ADCY2: variants seen among roughly 807,000 people sequenced by gnomAD.
ADCY2 encodes adenylate cyclase 2.
A neutral mutation model predicts 125.2 loss-of-function variants in ADCY2; 31 were observed. That is an observed-to-expected ratio of 0.25 (90% CI 0.19 to 0.33). ADCY2 has a LOEUF of 0.33. ADCY2 is among the 10% of genes least tolerant of loss of function. The pLI is 1.00. For synonymous variants in ADCY2, 512 were observed against 548.4 expected (o/e 0.93, Z 0.93); for missense variants, 904 against 1,418.2 (o/e 0.64, Z 5.82).
In ADCY2 at chr5:7,441,149, A is replaced by T. The variant is rs142136255; in HGVS notation, c.408+26379A>T. Among the ~76,000 whole-genome samples the T allele has an allele frequency of 3.1e-3, 479 of 152,196 alleles. 1 individual carries two copies. Among genetic ancestry groups the T allele is most frequent in the African/African-American group, 0.011 (456 of 41,528 alleles). On this transcript the variant is annotated intron_variant, in intron 2 of 24. Coordinates refer to ENST00000338316, the MANE Select transcript of ADCY2 (RefSeq NM_020546.3). ...GAAAAAAAAATCAAGTGACTGAGGG[A>T]CACAAACTTCTTGACTTCTGGGGAT...
At chr5:7,483,416 TAA>T (rs567638671) in intron 2 of ADCY2, among the ~76,000 whole-genome samples, 3 of 145,676 alleles carry the variant, frequency 2.1e-5, no homozygotes, top group African/African-American at 2.5e-5. Context: ...CTGCAGTACA[TAA>T]AAAAAAAAAA....
chr5:7,484,259 G>A (rs572152145), intron 2 of ADCY2, among the ~76,000 whole-genome samples: 2 of 152,218 alleles, frequency 1.3e-5, no homozygotes, highest in East Asian at 3.9e-4. Flanking sequence ...CAAATATACA[G>A]CATTCAGAAT....
chr5:7,405,587 A>G (rs1739452120), intron 1 of ADCY2, among the ~76,000 whole-genome samples: 2 of 152,298 alleles, frequency 1.3e-5, no homozygotes, highest in South Asian at 4.1e-4. Context: ...GCAAAGAGCA[A>G]GAGGAAAGGG....
At chr5:7,644,889 C>T (rs757910631) in intron 4 of ADCY2, among the ~76,000 whole-genome samples, 12 of 152,138 alleles carry the variant, frequency 7.9e-5, no homozygotes, top group Admixed American at 7.9e-4. Context: ...ATTAATCCTC[C>T]CAAGGCACAG....
intron 3 of ADCY2, among the ~76,000 whole-genome samples, chr5:7,572,003 G>A (rs1276387570): frequency 6.6e-6 from 1 of 152,272 alleles, no homozygotes; most frequent in Admixed American, 6.5e-5. Flanking sequence ...GTATTCCATG[G>A]TGTATATATA....
intron 3 of ADCY2, among the ~76,000 whole-genome samples, chr5:7,584,516 G>A (rs1736556473): frequency 6.6e-6 from 1 of 152,082 alleles, no homozygotes; most frequent in African/African-American, 2.4e-5. Flanking sequence ...AGATCAAAAA[G>A]AAGAAAGTAT....
chr5:7,536,494 C>T (rs1357397450), intron 3 of ADCY2, among the ~76,000 whole-genome samples: 3 of 152,180 alleles, frequency 2.0e-5, no homozygotes, highest in Non-Finnish European at 2.9e-5. Context: ...TCAGTTGATT[C>T]TCACCTTGAT....
intron 3 of ADCY2, among the ~76,000 whole-genome samples, chr5:7,589,520 G>GAAAAGAAAAGAA (rs781438703): frequency 9.9e-6 from 1 of 101,210 alleles, no homozygotes; most frequent in African/African-American, 3.5e-5. Flanking sequence ...GAAAAGAAAA[G>GAAAAGAAAAGAA]AAAGAGAAAG....
chr5:7,580,447 T>C (rs1736393353), intron 3 of ADCY2, among the ~76,000 whole-genome samples: 1 of 152,158 alleles, frequency 6.6e-6, no homozygotes, highest in Admixed American at 6.5e-5. Context: ...ATTTGCAATG[T>C]TAATATATTA....
intron 12 of ADCY2, among the ~76,000 whole-genome samples, chr5:7,718,703 A>G (rs1741670152): frequency 1.3e-5 from 2 of 152,150 alleles, no homozygotes; most frequent in Non-Finnish European, 2.9e-5. Flanking sequence ...CAGAGTGTCC[A>G]AGGCCCACTG....
intron 4 of ADCY2, among the ~76,000 whole-genome samples, chr5:7,659,395 C>A (rs999669641): frequency 2.0e-4 from 30 of 152,254 alleles, no homozygotes; most frequent in Admixed American, 1.0e-3. Flanking sequence ...CTTTATAATA[C>A]CCAGATTGCT....
chr5:7,626,132 G>T, intron 3 of ADCY2, 35 bp from the exon 4 acceptor site: 1 of 1,594,158 alleles, frequency 6.3e-7, no homozygotes. Flanking sequence ...GTGAGAAACA[G>T]TTACCCTATT....
intron 3 of ADCY2, among the ~76,000 whole-genome samples, chr5:7,564,068 T>C (rs1245745034): frequency 6.6e-6 from 1 of 152,246 alleles, no homozygotes; most frequent in Non-Finnish European, 1.5e-5. Context: ...ACAGATCATT[T>C]GTTTGAAGAT....
At chr5:7,689,585 C>G (rs1740638384) in intron 4 of ADCY2, among the ~76,000 whole-genome samples, 1 of 152,120 alleles carries the variant, frequency 6.6e-6, no homozygotes, top group Non-Finnish European at 1.5e-5. Context: ...CCTCAGCTCT[C>G]TCAGCAGAAG....
intron 3 of ADCY2, among the ~76,000 whole-genome samples, chr5:7,603,435 G>A (rs1359345494): frequency 6.6e-6 from 1 of 152,188 alleles, no homozygotes; most frequent in East Asian, 1.9e-4. Flanking sequence ...GAATTGTTAA[G>A]AACAGCTGTT....
intron 4 of ADCY2, among the ~76,000 whole-genome samples, chr5:7,684,192 C>T (rs1421158725): frequency 1.3e-5 from 2 of 152,204 alleles, no homozygotes; most frequent in East Asian, 3.9e-4. Flanking sequence ...GTCATGTTTG[C>T]AGGATGAGAT....
chr5:7,642,878 A>G (rs1477328059), intron 4 of ADCY2, among the ~76,000 whole-genome samples: 1 of 152,082 alleles, frequency 6.6e-6, no homozygotes, highest in Non-Finnish European at 1.5e-5. Flanking sequence ...AAGGAGAAAT[A>G]AAATATTTTC....
At chr5:7,673,269 A>AAAAAATATATATATATATATATAT (rs1554030659) in intron 4 of ADCY2, among the ~76,000 whole-genome samples, 1 of 3,928 alleles carries the variant, frequency 2.5e-4, no homozygotes, top group African/African-American at 6.4e-4. Flanking sequence ...AAAAAAAAAA[A>AAAAAATATATATATATATATATAT]ATATATATAT....
chr5:7,689,745 G>A (rs932300466), intron 4 of ADCY2, among the ~76,000 whole-genome samples: 3 of 152,118 alleles, frequency 2.0e-5, no homozygotes, highest in African/African-American at 7.2e-5. Flanking sequence ...GACAGACAAT[G>A]TGATAGATAA....
Sources: allele counts gnomAD v4.1 joint callset (sites outside exome capture counted in the v4.1 genomes callset), GRCh38; gene constraint gnomAD v4.1.1; transcripts MANE v1.5; gene names NCBI Gene and HGNC (gene_info 2026-07-23, HGNC 2026-07-21).